FGF12: variants seen among roughly 807,000 people sequenced by gnomAD.
FGF12 encodes fibroblast growth factor 12, also known as fibroblast growth factor 12B.
In FGF12, 14 loss-of-function variants were observed where a neutral mutation model predicts 23.6. The ratio of observed to expected loss-of-function variants is 0.59; its 90% CI spans 0.39 to 0.93. FGF12 has a LOEUF of 0.93. Ranked by LOEUF, FGF12 falls within the 40% of genes least tolerant of loss-of-function variation. FGF12 has a pLI of 0.00. For synonymous variants in FGF12, 62 were observed against 77.3 expected, an observed-to-expected ratio of 0.80 and a Z score of 1.04; for missense variants, 175 against 217.8, an observed-to-expected ratio of 0.80 and a Z score of 1.24.
At chr3:192,723,794 T>A (rs1422560528) in intron 2 of FGF12, among the ~76,000 whole-genome samples, 1 of 150,388 alleles carries the variant, frequency 6.6e-6, no homozygotes, top group African/African-American at 2.5e-5. Flanking sequence ...AGGCTGGAAA[T>A]CTACCTAGAC....
Position 192,412,553 on chromosome 3 carries a change from C to G in FGF12, c.14-52015G>C, listed in dbSNP as rs575221756. Among the ~76,000 whole-genome samples the G allele has an allele frequency of 2.0e-5, 3 of 152,304 alleles. No individual in the cohort carries two copies. In the South Asian group the frequency reaches 6.2e-4, roughly 32 times the overall value. On this transcript the variant is annotated intron_variant, in intron 2 of 5. Transcript: ENST00000445105. ...GGACAACAAAGACTACTTTTTCCCT[C>G]GCACTCCTGCAGCTATTGTCAGAGA...
intron 2 of FGF12, among the ~76,000 whole-genome samples, chr3:192,422,782 G>T (rs1721573602): frequency 6.6e-6 from 1 of 152,178 alleles, no homozygotes. Flanking sequence ...TTTGAACTCA[G>T]CAAGTTTGGG....
At position 192,332,495 on chromosome 3, in the gene FGF12, T is replaced by C. The variant is rs183552576; in HGVS notation, c.228+2866A>G. ...TCAATAATCTCATCAAATATATATA[T>C]GGATTAAACTCATCTATTAAAACAC... On this transcript the variant is annotated intron_variant, in intron 4 of 5. Coordinates refer to ENST00000445105, the MANE Select transcript of FGF12 (RefSeq NM_004113.6). Among the ~76,000 whole-genome samples the C allele has an allele frequency of 2.1e-3, 325 of 152,204 alleles. 6 individuals are homozygous for C. Among genetic ancestry groups the C allele is most frequent in the South Asian group, 4.1e-4 (2 of 4,830 alleles).
intron 2 of FGF12, among the ~76,000 whole-genome samples, chr3:192,370,989 T>G (rs1475721672): frequency 6.6e-6 from 1 of 152,214 alleles, no homozygotes; most frequent in Non-Finnish European, 1.5e-5. Flanking sequence ...AATACCTTCT[T>G]GCCTTTTAAG....
At chr3:192,549,619 G>A (rs762667904) in intron 2 of FGF12, among the ~76,000 whole-genome samples, 2 of 152,140 alleles carry the variant, frequency 1.3e-5, no homozygotes, top group Non-Finnish European at 2.9e-5. Flanking sequence ...ACTATAGGGT[G>A]TTTCTAGATG....
intron 2 of FGF12, among the ~76,000 whole-genome samples, chr3:192,431,814 C>T (rs1278016528): frequency 3.3e-5 from 5 of 152,178 alleles, no homozygotes; most frequent in Non-Finnish European, 7.4e-5. Context: ...CATTGCTTAT[C>T]AGATAACAGC....
intron 2 of FGF12, among the ~76,000 whole-genome samples, chr3:192,466,993 T>C (rs1485758997): frequency 6.6e-6 from 1 of 152,182 alleles, no homozygotes; most frequent in Non-Finnish European, 1.5e-5. Flanking sequence ...GGTTAAAATA[T>C]CCATTTTGTT....
intron 2 of FGF12, among the ~76,000 whole-genome samples, chr3:192,668,701 A>G (rs1716990431): frequency 6.6e-6 from 1 of 152,146 alleles, no homozygotes; most frequent in Non-Finnish European, 1.5e-5. Context: ...CCCAGAATTT[A>G]AAAACTGCAG....
At chr3:192,611,437 C>A (rs9859389) in intron 2 of FGF12, among the ~76,000 whole-genome samples, 34,299 of 151,886 alleles carry the variant, frequency 0.23, 4,380 homozygotes, top group East Asian at 0.52. Context: ...TGTGTTCATT[C>A]ATTCAACAAA....
At chr3:192,502,031 C>A (rs1237959385) in intron 2 of FGF12, among the ~76,000 whole-genome samples, 1 of 152,168 alleles carries the variant, frequency 6.6e-6, no homozygotes, top group Non-Finnish European at 1.5e-5. Flanking sequence ...TTTAAAATTC[C>A]TATAGCTAGA....
intron 2 of FGF12, among the ~76,000 whole-genome samples, chr3:192,491,132 T>A (rs892541918): frequency 2.0e-5 from 3 of 152,162 alleles, no homozygotes; most frequent in African/African-American, 7.2e-5. Context: ...GGTTCCTTCT[T>A]CACTTCTATT....
chr3:192,504,637 C>A (rs1164181911), intron 2 of FGF12, among the ~76,000 whole-genome samples: 1 of 152,142 alleles, frequency 6.6e-6, no homozygotes, highest in African/African-American at 2.4e-5. Flanking sequence ...CTGGACACAT[C>A]CTGAGCTGCT....
chr3:192,247,041 GAA>G (rs1711648033), intron 4 of FGF12, among the ~76,000 whole-genome samples: 1 of 11,200 alleles, frequency 8.9e-5, no homozygotes, highest in African/African-American at 3.4e-4. Flanking sequence ...AAGAAGGAAG[GAA>G]GGAAGGAAGG....
chr3:192,156,879 T>G (rs1008786028), intron 5 of FGF12, among the ~76,000 whole-genome samples: 6 of 152,326 alleles, frequency 3.9e-5, no homozygotes, highest in African/African-American at 1.4e-4. Context: ...CTTATTTCAC[T>G]TCTTTTCTTC....
At chr3:192,271,712 G>C (rs913049225) in intron 4 of FGF12, among the ~76,000 whole-genome samples, 1 of 152,046 alleles carries the variant, frequency 6.6e-6, no homozygotes. Flanking sequence ...CCCCAGATTA[G>C]ATCAGTCCAC....
At chr3:192,488,328 A>C (rs1723698103) in intron 2 of FGF12, among the ~76,000 whole-genome samples, 1 of 152,122 alleles carries the variant, frequency 6.6e-6, no homozygotes. Context: ...ACTAATAACC[A>C]CATACGAAAA....
intron 2 of FGF12, among the ~76,000 whole-genome samples, chr3:192,535,572 T>C (rs1463882364): frequency 1.3e-5 from 2 of 152,180 alleles, no homozygotes; most frequent in Admixed American, 6.5e-5. Flanking sequence ...GTCTGAGGTA[T>C]AGAAATGGCC....
rs539500721 is a variant in FGF12 at position 192,517,861 on chromosome 3, C to T, written c.14-157323G>A. On this transcript the variant is annotated intron_variant, in intron 2 of 5. Coordinates refer to ENST00000445105, the MANE Select transcript of FGF12 (RefSeq NM_004113.6). ...TTAAAGCAACTCCTCATGTGATTGT[C>T]ACCCACTTCCACAATTAGGCACACA... Among the ~76,000 whole-genome samples the T allele has an allele frequency of 1.5e-3, 222 of 152,228 alleles. 1 individual carries two copies. Among genetic ancestry groups the T allele is most frequent in the Non-Finnish European group, 2.3e-3 (159 of 68,000 alleles).
chr3:192,349,506 A>C (rs1718111365), intron 3 of FGF12, among the ~76,000 whole-genome samples: 2 of 152,044 alleles, frequency 1.3e-5, no homozygotes, highest in Non-Finnish European at 2.9e-5. Context: ...CCTTAGATGA[A>C]TAATAAAAGC....
Sources: allele counts gnomAD v4.1 joint callset (sites outside exome capture counted in the v4.1 genomes callset), GRCh38; gene constraint gnomAD v4.1.1; transcripts MANE v1.5; gene names NCBI Gene and HGNC (gene_info 2026-07-23, HGNC 2026-07-21).